Variants in PCDHGA2 observed in about 807,000 individuals in gnomAD.
The protein encoded by PCDHGA2 is protocadherin gamma subfamily A, 2.
Under a neutral mutation model 59.2 loss-of-function variants are expected in PCDHGA2, and 40 were observed. The observed-to-expected ratio is 0.68, with a 90% CI of 0.52 to 0.88. The LOEUF (loss-of-function observed/expected upper bound fraction) is 0.88. PCDHGA2 is among the 40% of genes least tolerant of loss of function. The pLI, the probability that PCDHGA2 is intolerant of heterozygous loss-of-function variation, is 0.00. For synonymous variants in PCDHGA2, 560 were observed against 526.0 expected, an observed-to-expected ratio of 1.06 and a Z score of -0.89; for missense variants, 1,226 against 1,204.0, an observed-to-expected ratio of 1.02 and a Z score of -0.27.
At position 141,372,017 on chromosome 5, in the gene PCDHGA2, G is replaced by A. The variant is rs1404745183; in HGVS notation, c.2424+30622G>A. Reference sequence around the variant, plus strand: ...AGGCCCGCGACCAGGGCTCGCCTACGCTCAGCGCCAACGTGAGCCTGCGCG... The same window carrying A: ...AGGCCCGCGACCAGGGCTCGCCTACACTCAGCGCCAACGTGAGCCTGCGCG... On this transcript the variant is annotated intron_variant, in intron 1 of 3. Coordinates refer to ENST00000394576, the MANE Select transcript of PCDHGA2 (RefSeq NM_018915.4). The A allele has an allele frequency of 4.3e-6, 7 of 1,613,220 alleles. No homozygotes were observed. The African/African-American group carries it at 9.3e-5, about 22-fold the overall frequency.
Position 141,486,276 on chromosome 5 carries a change from T to C in PCDHGA2, c.2425-8531T>C. The C allele has an allele frequency of 1.2e-6, 2 of 1,613,980 alleles. No homozygotes were observed. The highest frequency in any genetic ancestry group is 1.7e-6 in the Non-Finnish European group (2 of 1,179,974). On this transcript the variant is annotated intron_variant, in intron 1 of 3. Coordinates refer to ENST00000394576, the MANE Select transcript of PCDHGA2 (RefSeq NM_018915.4). The surrounding 1 kb of genome is among the most constrained non-coding windows in gnomAD (Gnocchi z 5.0). ...CCCGAGAGTGCAGAACCTGGCACTG[T>C]GGTGGCACTTATCAGTGTGCAGGAT...
At chr5:141,426,480 C>T (rs1379758117) in intron 1 of PCDHGA2, 4 of 325,590 alleles carry the variant, frequency 1.2e-5, no homozygotes, top group Non-Finnish European at 1.8e-5. Flanking sequence ...TGACCTGAAA[C>T]CTTAGAGTTA....
At chr5:141,498,967 GGGAGGGAAGGAAGGAAGGAA>G (rs1464205074) in intron 2 of PCDHGA2, among the ~76,000 whole-genome samples, 5 of 129,584 alleles carry the variant, frequency 3.9e-5, no homozygotes, top group African/African-American at 1.6e-4. Flanking sequence ...GAGGGAGGGA[GGGAGGGAAGGAAGGAAGGAA>G]GGAAGGAAGG....
chr5:141,356,965 A>T, intron 1 of PCDHGA2: 2 of 1,614,210 alleles, frequency 1.2e-6, no homozygotes, highest in Non-Finnish European at 1.7e-6. Context: ...CTACCTGGTG[A>T]CCAAAGTGGT....
chr5:141,348,789 G>T (rs1758180125), intron 1 of PCDHGA2, among the ~76,000 whole-genome samples: 2 of 152,184 alleles, frequency 1.3e-5, no homozygotes, highest in South Asian at 4.1e-4. Context: ...AAGTGAAAAG[G>T]TATCTTAAGA....
Position 141,511,159 on chromosome 5 carries a change from AAGG to A in PCDHGA2, c.2788_2790del (p.Glu930del), listed in dbSNP as rs1477173987. 3 of 1,614,186 alleles carry A rather than the reference AAGG, an allele frequency of 1.9e-6. No individual in the cohort carries two copies. The highest frequency in any genetic ancestry group is 2.2e-5 in the East Asian group (1 of 44,872). On this transcript the variant is annotated inframe_deletion, in exon 4 of 4. Coordinates refer to ENST00000394576, the MANE Select transcript of PCDHGA2 (RefSeq NM_018915.4). ...TGGCAACAAGAAGAAGTCGGGCAAG[AAGG>A]AGAAGAAGTAACATGGAGGCCAGGC... is the stretch of plus-strand genomic sequence containing the variant.
chr5:141,372,098 G>A lies in PCDHGA2; in HGVS notation c.2424+30703G>A. ...CGCTGGTGCTGTACCCAGCTCTGGG[G>A]CCCGAAGGCTCTGCGCTCTTCGATA... On this transcript the variant is annotated intron_variant, in intron 1 of 3. Transcript: ENST00000394576. The A allele has an allele frequency of 2.5e-6, 4 of 1,613,794 alleles. No individual in the cohort carries two copies. In the South Asian group the frequency reaches 4.4e-5, roughly 18 times the overall value.
chr5:141,456,678 T>C (rs2098875796), intron 1 of PCDHGA2, among the ~76,000 whole-genome samples: 1 of 152,152 alleles, frequency 6.6e-6, no homozygotes, highest in South Asian at 2.1e-4. Flanking sequence ...TAAAAATGCA[T>C]TACTGGCCAG....
intron 1 of PCDHGA2, among the ~76,000 whole-genome samples, chr5:141,482,782 G>T (rs775083331): frequency 1.6e-4 from 25 of 152,154 alleles, no homozygotes; most frequent in Non-Finnish European, 3.2e-4. Context: ...ACCTTAAACT[G>T]TGTGTGTGGC....
intron 1 of PCDHGA2, chr5:141,407,933 TG>T: frequency 2.0e-6 from 1 of 505,054 alleles, no homozygotes; most frequent in Non-Finnish European, 3.4e-6. Flanking sequence ...ACGGAGCCTC[TG>T]GGCGCCGCTG....
At chr5:141,417,851 G>A (rs1196210157) in intron 1 of PCDHGA2, 1 of 1,543,512 alleles carries the variant, frequency 6.5e-7, no homozygotes, top group Non-Finnish European at 8.8e-7. Flanking sequence ...GCGAGAACCC[G>A]AGCGAACGAT....
At chr5:141,429,597 G>A (rs937301997) in intron 1 of PCDHGA2, among the ~76,000 whole-genome samples, 2 of 152,094 alleles carry the variant, frequency 1.3e-5, no homozygotes, top group Non-Finnish European at 2.9e-5. Flanking sequence ...TGTAATTCAA[G>A]TAAACTCAAT....
chr5:141,451,676 G>C (rs1363843426), intron 1 of PCDHGA2, among the ~76,000 whole-genome samples: 1 of 152,142 alleles, frequency 6.6e-6, no homozygotes, highest in African/African-American at 2.4e-5. Context: ...GAGCCCAGGA[G>C]TTCAAGACCA....
intron 1 of PCDHGA2, among the ~76,000 whole-genome samples, chr5:141,462,023 A>T (rs927945421): frequency 1.3e-5 from 2 of 152,112 alleles, no homozygotes; most frequent in African/African-American, 4.8e-5. Flanking sequence ...GGGTTTCTTC[A>T]TGTTGGTCAG....
At position 141,339,889 on chromosome 5, in the gene PCDHGA2, T is replaced by C. The variant is rs757484303; in HGVS notation, c.918T>C (p.Asp306=). The change falls in exon 1 of 4, where the codon GAT becomes GAC. Residue 306 remains aspartate, a synonymous_variant. Coordinates refer to ENST00000394576, the MANE Select transcript of PCDHGA2 (RefSeq NM_018915.4). ...STSGELTIIK[D]LDYEDATFHE... is the part of the protein sequence containing the mutation. ...CTGGAGAACTGACAATCATAAAAGA[T>C]CTAGATTATGAGGATGCTACATTCC... is the stretch of plus-strand genomic sequence containing the variant. 4 of 1,614,088 alleles carry C rather than the reference T, an allele frequency of 2.5e-6. No homozygotes were observed. The South Asian group carries it at 3.3e-5, about 13-fold the overall frequency.
intron 1 of PCDHGA2, chr5:141,376,063 C>T (rs1392618102): frequency 1.9e-6 from 3 of 1,613,444 alleles, no homozygotes; most frequent in Non-Finnish European, 2.5e-6. Context: ...CTGTCACGCT[C>T]ACCGTGGCCG....
At chr5:141,344,203 G>C (rs769630375) in intron 1 of PCDHGA2, 10 of 1,614,016 alleles carry the variant, frequency 6.2e-6, no homozygotes, top group Non-Finnish European at 8.5e-6. Flanking sequence ...CTAGAGCCCC[G>C]GGAGCTGGCG....
At chr5:141,403,652 G>C in intron 1 of PCDHGA2, 1 of 1,613,908 alleles carries the variant, frequency 6.2e-7, no homozygotes, top group South Asian at 1.1e-5. Context: ...GACAGTGTTG[G>C]ATACAAATGA....
At chr5:141,389,283 G>C in intron 1 of PCDHGA2, 1 of 1,614,022 alleles carries the variant, frequency 6.2e-7, no homozygotes. Flanking sequence ...CCCGCCTGGA[G>C]CCTCTATTTC....
Sources: gnomAD v4.1 joint callset for allele counts (sites outside exome capture counted in the v4.1 genomes callset) on GRCh38, gnomAD v4.1.1 for gene constraint, Gnocchi (gnomAD v3.1) non-coding constraint, MANE v1.5 for transcripts, NCBI Gene and HGNC (gene_info 2026-07-23, HGNC 2026-07-21) for gene names.